The following RGS7 variants were observed in gnomAD, a reference collection of about 807,000 sequenced individuals.
RGS7 encodes the protein regulator of G protein signaling 7.
Under a neutral mutation model 81.1 loss-of-function variants are expected in RGS7, and 27 were observed. The ratio of observed to expected loss-of-function variants is 0.33; its 90% CI spans 0.25 to 0.46. The LOEUF (loss-of-function observed/expected upper bound fraction) is 0.46, where lower values mean the gene tolerates loss of function less well. Ranked by LOEUF, RGS7 falls within the 20% of genes least tolerant of loss-of-function variation. The probability of loss-of-function intolerance (pLI) is 1.00; values close to 1 mark genes in which losing one functional copy is unlikely to be tolerated. For missense variants in RGS7, 396 were observed against 607.4 expected (o/e 0.65, Z 3.66); for synonymous variants, 208 against 207.7 (o/e 1.00, Z -0.01).
At chr1:240,826,443 A>C (rs908390785) in intron 10 of RGS7, among the ~76,000 whole-genome samples, 1 of 152,160 alleles carries the variant, frequency 6.6e-6, no homozygotes, top group African/African-American at 2.4e-5. Context: ...CAGAAAAAAG[A>C]CCTTGAACTT....
At chr1:241,004,868 A>G (rs1469953353) in intron 3 of RGS7, among the ~76,000 whole-genome samples, 2 of 152,092 alleles carry the variant, frequency 1.3e-5, no homozygotes, top group African/African-American at 2.4e-5. Context: ...AGGGGTTCTG[A>G]TTTCCATGAC....
chr1:240,933,705 G>A (rs1231214900), intron 5 of RGS7, among the ~76,000 whole-genome samples: 1 of 151,890 alleles, frequency 6.6e-6, no homozygotes, highest in East Asian at 1.9e-4. Flanking sequence ...ATCCAAAACT[G>A]TTCAACTGTT....
chr1:240,912,145 T>A (rs1395669738), intron 6 of RGS7, among the ~76,000 whole-genome samples: 1 of 101,322 alleles, frequency 9.9e-6, no homozygotes, highest in African/African-American at 3.8e-5. Flanking sequence ...AGCGAGATTC[T>A]GTCTCAAAAA....
At chr1:241,072,316 G>T (rs923339289) in intron 3 of RGS7, among the ~76,000 whole-genome samples, 1 of 152,208 alleles carries the variant, frequency 6.6e-6, no homozygotes, top group Non-Finnish European at 1.5e-5. Context: ...CGTTGGAACC[G>T]TGTCTGGGCA....
intron 3 of RGS7, among the ~76,000 whole-genome samples, chr1:241,088,697 C>T (rs1197861254): frequency 2.6e-5 from 4 of 151,998 alleles, no homozygotes; most frequent in Non-Finnish European, 5.9e-5. Flanking sequence ...TATGTTTCTC[C>T]TGTTAATCTG....
chr1:240,889,735 T>C (rs1280648167), intron 6 of RGS7, among the ~76,000 whole-genome samples: 1 of 152,178 alleles, frequency 6.6e-6, no homozygotes, highest in Non-Finnish European at 1.5e-5. Flanking sequence ...ATCAGCCCAC[T>C]TGGTTCTGTT....
intron 3 of RGS7, among the ~76,000 whole-genome samples, chr1:241,094,408 T>C (rs2064108259): frequency 6.6e-6 from 1 of 152,100 alleles, no homozygotes; most frequent in Non-Finnish European, 1.5e-5. Flanking sequence ...CCAGGTCACA[T>C]ACAACCTGTG....
intron 3 of RGS7, among the ~76,000 whole-genome samples, chr1:241,078,485 ATGTG>A (rs60742879): frequency 1.4e-5 from 2 of 143,562 alleles, no homozygotes; most frequent in East Asian, 2.1e-4. Flanking sequence ...CACGTAAGTT[ATGTG>A]TGTGTGTGTG....
At chr1:240,853,714 A>G (rs1254465483) in intron 9 of RGS7, among the ~76,000 whole-genome samples, 1 of 151,960 alleles carries the variant, frequency 6.6e-6, no homozygotes, top group Non-Finnish European at 1.5e-5. Flanking sequence ...CATACGGGCT[A>G]ACACGGTGAA....
intron 2 of RGS7, among the ~76,000 whole-genome samples, chr1:241,137,692 G>C (rs2067620539): frequency 6.6e-6 from 1 of 152,202 alleles, no homozygotes; most frequent in Non-Finnish European, 1.5e-5. Context: ...AATTATGTGA[G>C]AAGCTGTTAA....
intron 9 of RGS7, among the ~76,000 whole-genome samples, chr1:240,865,234 C>T (rs1166803383): frequency 1.3e-5 from 2 of 152,094 alleles, no homozygotes; most frequent in Admixed American, 6.5e-5. Context: ...CAAAGCCCAC[C>T]TGCTTCCCAC....
intron 6 of RGS7, among the ~76,000 whole-genome samples, chr1:240,874,710 T>C (rs1014623574): frequency 1.2e-4 from 18 of 152,214 alleles, no homozygotes; most frequent in Non-Finnish European, 2.2e-4. Flanking sequence ...TTTCCGTCAC[T>C]TCACATTCTT....
intron 2 of RGS7, among the ~76,000 whole-genome samples, chr1:241,110,121 A>G (rs1193894550): frequency 1.3e-5 from 2 of 152,198 alleles, no homozygotes; most frequent in African/African-American, 2.4e-5. Flanking sequence ...TATAATTGCT[A>G]TTGACTTTCA....
chr1:241,234,485 C>T (rs1034432688), intron 2 of RGS7, among the ~76,000 whole-genome samples: 2 of 147,384 alleles, frequency 1.4e-5, no homozygotes, highest in South Asian at 2.1e-4. Context: ...TTCTTTTTTT[C>T]TTTTTTTTTT....
At chr1:240,966,322 G>A (rs530428975) in intron 4 of RGS7, among the ~76,000 whole-genome samples, 32 of 152,158 alleles carry the variant, frequency 2.1e-4, no homozygotes, top group African/African-American at 6.5e-4. Flanking sequence ...AAGTATAACC[G>A]AAAGCAGTTG....
intron 3 of RGS7, chr1:240,998,577 G>T: frequency 1.2e-6 from 1 of 826,664 alleles, no homozygotes; most frequent in Non-Finnish European, 2.1e-6. Context: ...TACAGATAGA[G>T]CCAGCTGCTG....
intron 2 of RGS7, among the ~76,000 whole-genome samples, chr1:241,227,963 G>A (rs2075418562): frequency 6.6e-6 from 1 of 152,066 alleles, no homozygotes. Context: ...ACTCTAACTT[G>A]CCTCCCTCTT....
chr1:240,862,191 A>C (rs1273713009), intron 9 of RGS7, among the ~76,000 whole-genome samples: 1 of 152,088 alleles, frequency 6.6e-6, no homozygotes, highest in African/African-American at 2.4e-5. Flanking sequence ...TAGGAGGCTA[A>C]CTTTATTTTA....
At position 241,340,323 on chromosome 1, in the gene RGS7, A is replaced by G. The variant is rs567227865; in HGVS notation, c.78+15376T>C. Reference sequence around the variant, plus strand: ...TATAATCAAATACATCTCTCTTCTTACCCTCAGAATAGAGGGAATGCTGTA... The same window carrying G: ...TATAATCAAATACATCTCTCTTCTTGCCCTCAGAATAGAGGGAATGCTGTA... On this transcript the variant is annotated intron_variant, in intron 2 of 18. Coordinates refer to ENST00000440928, the MANE Select transcript of RGS7 (RefSeq NM_001364886.1). Among the ~76,000 whole-genome samples, 5 of 152,326 alleles carry G rather than the reference A, an allele frequency of 3.3e-5. No individual in the cohort carries two copies. The South Asian group carries it at 1.0e-3, about 32-fold the overall frequency.
Sources: gnomAD v4.1 joint callset for allele counts (sites outside exome capture counted in the v4.1 genomes callset) on GRCh38, gnomAD v4.1.1 for gene constraint, MANE v1.5 for transcripts, NCBI Gene and HGNC (gene_info 2026-07-23, HGNC 2026-07-21) for gene names.